Variants in CCDC78 observed in about 807,000 individuals in gnomAD.
The protein encoded by CCDC78 is coiled-coil domain-containing protein 78.
Under a neutral mutation model 61.9 loss-of-function variants are expected in CCDC78, and 78 were observed. That is an observed-to-expected ratio of 1.26 (90% CI 1.05 to 1.52). The LOEUF is 1.52. Among genes scored for constraint, CCDC78 ranks in the 40% most tolerant of loss-of-function variants. CCDC78 has a pLI of 0.00. For synonymous variants in CCDC78, 287 were observed against 251.9 expected (o/e 1.14, Z -1.32); for missense variants, 737 against 615.5 (o/e 1.20, Z -2.09).
At chr16:723,636 C>T in intron 11 of CCDC78, 3 of 698,130 alleles carry the variant, frequency 4.3e-6, no homozygotes, top group Non-Finnish European at 7.8e-6. Context: ...GTGTTCAAGG[C>T]CAGCTCCACC....
At chr16:726,671 CACGCGGA>C (rs2040972626), upstream of CCDC78, 5 of 509,766 alleles carry the variant, frequency 9.8e-6, no homozygotes, top group East Asian at 3.7e-5. Context: ...AGCGGACGAG[CACGCGGA>C]ACGGAGCGGC....
rs1257501542 is a variant in CCDC78 at position 723,122 on chromosome 16, C to T, written c.1173G>A (p.Lys391=). Residue 391 remains lysine, a synonymous_variant, in exon 12 of 14, where the codon AAG becomes AAA. Transcript: ENST00000345165. ...DAASWAQIHQ[K]LRDFSRSTQA... is the part of the protein sequence containing the mutation. The stretch of plus-strand genomic sequence containing the variant: ...GGGTGCTGCGGGAGAAGTCCCGGAG[C>T]TTCTGGTGGATCTGGGCCCAGGATG... The T allele has an allele frequency of 6.2e-7, 1 of 1,612,706 alleles. No individual in the cohort carries two copies. Among genetic ancestry groups the T allele is most frequent in the East Asian group, 2.2e-5 (1 of 44,882 alleles).
At position 724,145 on chromosome 16, in the gene CCDC78, G is replaced by A. The variant is rs764805299; in HGVS notation, c.1014C>T (p.Pro338=). The A allele has an allele frequency of 5.0e-6, 8 of 1,605,060 alleles. No individual in the cohort carries two copies. Among genetic ancestry groups the A allele is most frequent in the South Asian group, 2.2e-5 (2 of 89,968 alleles). ...GGCTGAAGTCAGTGACCAGGGGCAC[G>A]GGCAATGGTTCCAGGTCCAAGCTGG... ...DIASLDLEPL[P]VPLVTDFSHR... Residue 338 remains proline, a synonymous_variant, in exon 10 of 14, where the codon CCC becomes CCT. Coordinates refer to ENST00000345165, the MANE Select transcript of CCDC78 (RefSeq NM_001378030.1).
chr16:722,790 C>T lies in CCDC78; in HGVS notation c.1302-1G>A, dbSNP rs764699064. 2 of 1,612,674 alleles carry T rather than the reference C, an allele frequency of 1.2e-6. No homozygotes were observed. Among genetic ancestry groups the T allele is most frequent in the Non-Finnish European group, 1.7e-6 (2 of 1,179,954 alleles). On this transcript the variant is annotated splice_acceptor_variant, in intron 13 of 13. Coordinates refer to ENST00000345165, the MANE Select transcript of CCDC78 (RefSeq NM_001378030.1). LOFTEE classifies it high-confidence loss of function. ...CAGCCTCAGGATTTCGTGCTTGTAC[C>T]TGCTCAGAGGAACCATGCTTAAGTG... is the stretch of plus-strand genomic sequence containing the variant.
At chr16:724,034 TG>T (rs1226013335) in intron 10 of CCDC78, 71 bp downstream of exon 10, 35 of 1,046,554 alleles carry the variant, frequency 3.3e-5, no homozygotes, top group South Asian at 6.1e-5. Flanking sequence ...GGATGAGGCC[TG>T]GGGCCAGTGT....
At chr16:726,463 C>T (rs553398838), upstream of CCDC78, 2 of 1,430,964 alleles carry the variant, frequency 1.4e-6, no homozygotes, top group Non-Finnish European at 1.9e-6. Context: ...AAGTGCGTTG[C>T]CAAGGCCTCT....
In CCDC78 at chr16:725,946, C is replaced by T. The variant is rs753155679; in HGVS notation, c.180+20G>A. ...CTGGCACCCTCCCTCCTCACGAGCA[C>T]GCTGGGGCCCCACACCCACCTGCAG... On this transcript the variant is annotated intron_variant, in intron 2 of 13. Coordinates refer to ENST00000345165, the MANE Select transcript of CCDC78 (RefSeq NM_001378030.1). The T allele has an allele frequency of 2.5e-5, 39 of 1,566,250 alleles. No homozygotes were observed. The Admixed American group carries it at 3.6e-4, about 14-fold the overall frequency.
At chr16:725,208 T>C in intron 5 of CCDC78, 29 bp downstream of exon 5, 2 of 1,610,434 alleles carry the variant, frequency 1.2e-6, no homozygotes, top group Non-Finnish European at 1.7e-6. Flanking sequence ...TGCTGCCCTC[T>C]CCCCTGAGCT....
Position 724,674 on chromosome 16 carries a change from G to T in CCDC78, c.765+7C>A, listed in dbSNP as rs1158312264. The T allele has an allele frequency of 4.6e-5, 74 of 1,608,688 alleles. No homozygotes were observed. Among genetic ancestry groups the T allele is most frequent in the Non-Finnish European group, 5.8e-5 (69 of 1,179,520 alleles). ...CCTAGGCCTCAGGGTGCTCCTGCAG[G>T]GCTCACCACTGCCTGCCAGGCGCAG... On this transcript the variant is annotated splice_region_variant and intron_variant, in intron 8 of 13. Transcript: ENST00000345165.
chr16:722,933 C>G lies in CCDC78; in HGVS notation c.1290G>C (p.Gln430His). 1 of 1,612,248 alleles carries G rather than the reference C, an allele frequency of 6.2e-7. No individual in the cohort carries two copies. Among genetic ancestry groups the G allele is most frequent in the South Asian group, 1.1e-5 (1 of 91,086 alleles). The change falls in exon 13 of 14, where the codon CAG becomes CAC. Residue 430 changes from glutamine (Q) to histidine (H), a missense_variant. Transcript: ENST00000345165. ...CTCCCTCTGCCCACCTGCCCAGGTG[C>G]TGGTCCACGTACTCCTGTAGCTCAG... ...QLSELQEYVD[Q>H]HLGRYKHEIL...
At chr16:725,319 G>C in intron 4 of CCDC78, 26 bp from the exon 5 acceptor site, 3 of 1,609,906 alleles carry the variant, frequency 1.9e-6, no homozygotes, top group Non-Finnish European at 1.7e-6. Flanking sequence ...GGCAGGGAAA[G>C]CTAAGGGGTG....
intron 1 of CCDC78, 78 bp from the exon 2 acceptor site, chr16:726,163 C>T (rs1024921949): frequency 1.3e-6 from 2 of 1,550,242 alleles, no homozygotes; most frequent in Non-Finnish European, 8.7e-7. Context: ...GTCACCAGTC[C>T]CGCCTCCCTG....
chr16:724,655 C>A, intron 8 of CCDC78, 26 bp downstream of exon 8: 1 of 1,604,092 alleles, frequency 6.2e-7, no homozygotes. Context: ...GCTCCCTAGG[C>A]CTCAGGGTGC....
Position 724,413 on chromosome 16 carries a change from G to T in CCDC78, c.862C>A (p.Arg288Ser). The change falls in exon 9 of 14, where the codon CGT becomes AGT. Residue 288 changes from arginine (R) to serine (S), a missense_variant. By Grantham distance (110) the Arg-to-Ser change is moderately radical. Coordinates refer to ENST00000345165, the MANE Select transcript of CCDC78 (RefSeq NM_001378030.1). ...LEDIRAAHRS[R>S]EQQLARAARS... is the part of the protein sequence containing the mutation. ...GCAGCCCGGGCCAGCTGCTGCTCAC[G>T]GCTGCGGTGCGCTGCCCGGATGTCC... 1 of 1,610,030 alleles carries T rather than the reference G, an allele frequency of 6.2e-7. No homozygotes were observed. The highest frequency in any genetic ancestry group is 8.5e-7 in the Non-Finnish European group (1 of 1,179,950).
In CCDC78 at chr16:724,697, C is replaced by A; in HGVS notation, c.749G>T (p.Cys250Phe). ...KDEYVLRLQHCAWQAVEHADG... is the reference protein window; with the variant it reads ...KDEYVLRLQHFAWQAVEHADG... ...AGGGCTCACCACTGCCTGCCAGGCG[C>A]AGTGTTGCAGCCGTAGGACGTACTC... Residue 250 changes from cysteine to phenylalanine, a missense_variant, in exon 8 of 14, where the codon TGC (cysteine) becomes TTC (phenylalanine). Transcript: ENST00000345165. 1 of 1,611,364 alleles carries A rather than the reference C, an allele frequency of 6.2e-7. No individual in the cohort carries two copies.
At chr16:726,505 C>A, upstream of CCDC78, 1 of 1,062,336 alleles carries the variant, frequency 9.4e-7, no homozygotes. Flanking sequence ...GGGCACCGCC[C>A]ACAGGGGCCG....
rs765213341 is a variant in CCDC78 at position 724,938 on chromosome 16, G to A, written c.612C>T (p.Ala204=). The A allele has an allele frequency of 3.2e-5, 52 of 1,608,932 alleles. No homozygotes were observed. Among genetic ancestry groups the A allele is most frequent in the Non-Finnish European group, 3.1e-5 (37 of 1,178,320 alleles). ...CAGCCTGTGTGGCCAGTCGCTGCCC[G>A]GCTGCCCTGGCCTCCTCTCGGGCTC... The part of the protein sequence containing the change: ...LQGAREEARA[A]GQRLATQAVV... Residue 204 remains alanine (A), a synonymous_variant, in exon 7 of 14, where the codon GCC becomes GCT. Coordinates refer to ENST00000345165, the MANE Select transcript of CCDC78 (RefSeq NM_001378030.1).
At chr16:723,807 C>A in intron 11 of CCDC78, 50 bp downstream of exon 11, 4 of 1,521,908 alleles carry the variant, frequency 2.6e-6, no homozygotes, top group Non-Finnish European at 3.6e-6. Flanking sequence ...AGGCGTTGTG[C>A]TCTCTGCTCA....
At chr16:726,670 G>A (rs1596647383), upstream of CCDC78, 1 of 510,062 alleles carries the variant, frequency 2.0e-6, no homozygotes, top group Non-Finnish European at 3.5e-6. Flanking sequence ...CAGCGGACGA[G>A]CACGCGGAAC....
Sources: allele counts gnomAD v4.1 joint callset, GRCh38; gene constraint gnomAD v4.1.1; transcripts MANE v1.5; gene names NCBI Gene and HGNC (gene_info 2026-07-23, HGNC 2026-07-21).